SMYD3: variants seen among roughly 807,000 people sequenced by gnomAD.
The protein encoded by SMYD3 is histone-lysine N-methyltransferase SMYD3.
Under a neutral mutation model 57.7 loss-of-function variants are expected in SMYD3, and 36 were observed. The observed-to-expected ratio is 0.62, with a 90% CI of 0.48 to 0.82. The LOEUF is 0.82. Ranked by LOEUF, SMYD3 falls within the 40% of genes least tolerant of loss-of-function variation. The pLI is 0.00. For missense variants in SMYD3, 515 were observed against 538.8 expected, an observed-to-expected ratio of 0.96 and a Z score of 0.44; for synonymous variants, 211 against 195.0, an observed-to-expected ratio of 1.08 and a Z score of -0.68.
intron 5 of SMYD3, among the ~76,000 whole-genome samples, chr1:246,119,546 G>A (rs1427912903): frequency 6.6e-6 from 1 of 151,734 alleles, no homozygotes. Flanking sequence ...CTGAGTAGCT[G>A]AGACTACAGG....
intron 8 of SMYD3, among the ~76,000 whole-genome samples, chr1:245,906,201 G>A (rs1374503398): frequency 6.6e-6 from 1 of 152,160 alleles, no homozygotes; most frequent in East Asian, 1.9e-4. Context: ...GCAAAGCGAA[G>A]AGACAACCCA....
At chr1:246,408,152 G>C (rs953888836) in intron 1 of SMYD3, among the ~76,000 whole-genome samples, 1 of 151,932 alleles carries the variant, frequency 6.6e-6, no homozygotes, top group Non-Finnish European at 1.5e-5. Flanking sequence ...CACCTTAGGG[G>C]TTAAGATCAC....
At chr1:246,190,492 G>A (rs1340393613) in intron 5 of SMYD3, among the ~76,000 whole-genome samples, 1 of 149,516 alleles carries the variant, frequency 6.7e-6, no homozygotes, top group Non-Finnish European at 1.5e-5. Flanking sequence ...GGCTGAGGCA[G>A]GAGAATCGCT....
At chr1:245,804,140 T>C (rs1170744092) in intron 10 of SMYD3, among the ~76,000 whole-genome samples, 1 of 152,072 alleles carries the variant, frequency 6.6e-6, no homozygotes, top group Non-Finnish European at 1.5e-5. Flanking sequence ...CTTGAACTCC[T>C]GTCCTTGTGA....
intron 11 of SMYD3, 75 bp downstream of exon 11, chr1:245,763,965 CA>C: frequency 9.0e-7 from 1 of 1,112,848 alleles, no homozygotes; most frequent in South Asian, 1.3e-5. Context: ...GAGCTGCTAA[CA>C]AATCACAAAG....
At chr1:246,297,276 A>T (rs1370193272) in intron 5 of SMYD3, among the ~76,000 whole-genome samples, 5 of 152,194 alleles carry the variant, frequency 3.3e-5, no homozygotes, top group Non-Finnish European at 5.9e-5. Context: ...TCAAAGTCAT[A>T]AAAGAGGAGT....
intron 1 of SMYD3, among the ~76,000 whole-genome samples, chr1:246,481,627 CAT>C (rs1558484550): frequency 0.05 from 1,287 of 25,884 alleles, 103 homozygotes; most frequent in African/African-American, 0.16. Context: ...TATATACATA[CAT>C]ACATACACAT....
chr1:246,149,068 A>C (rs2061901683), intron 5 of SMYD3, among the ~76,000 whole-genome samples: 1 of 152,242 alleles, frequency 6.6e-6, no homozygotes, highest in Admixed American at 6.5e-5. Flanking sequence ...TCTCGAAAGA[A>C]AATTCTAGAA....
intron 1 of SMYD3, among the ~76,000 whole-genome samples, chr1:246,421,968 T>C (rs532181850): frequency 6.6e-6 from 1 of 152,204 alleles, no homozygotes; most frequent in Non-Finnish European, 1.5e-5. Context: ...CTTTACCAGT[T>C]TGCACATTCA....
At chr1:245,796,402 G>GT (rs1053587510) in intron 10 of SMYD3, among the ~76,000 whole-genome samples, 2 of 152,032 alleles carry the variant, frequency 1.3e-5, no homozygotes, top group Non-Finnish European at 2.9e-5. Context: ...ACAGCACAGA[G>GT]TAATGGTTTA....
intron 5 of SMYD3, among the ~76,000 whole-genome samples, chr1:246,260,666 C>T (rs1374647018): frequency 6.6e-6 from 1 of 152,064 alleles, no homozygotes; most frequent in African/African-American, 2.4e-5. Context: ...CTCTTGACCT[C>T]GTGATCCACC....
chr1:246,205,130 T>C (rs1425957842), intron 5 of SMYD3, among the ~76,000 whole-genome samples: 1 of 152,174 alleles, frequency 6.6e-6, no homozygotes, highest in Non-Finnish European at 1.5e-5. Context: ...TCTATGAAGA[T>C]GACAATAAAA....
intron 5 of SMYD3, among the ~76,000 whole-genome samples, chr1:246,290,199 C>T (rs2064661366): frequency 6.6e-6 from 1 of 152,166 alleles, no homozygotes; most frequent in East Asian, 1.9e-4. Context: ...GAAAAGGGAA[C>T]TAAACCATCT....
At position 246,404,857 on chromosome 1, in the gene SMYD3, T is replaced by C. The variant is rs558751787; in HGVS notation, c.165-49763A>G. On this transcript the variant is annotated intron_variant, in intron 1 of 11. Coordinates refer to ENST00000490107, the MANE Select transcript of SMYD3 (RefSeq NM_001167740.2). ...AGCAAGTATAAAACCTTTCTTTCATTACAGAAAGTGCTTTGGGCAGTCCTG... is the reference window on the plus strand; with the variant it reads ...AGCAAGTATAAAACCTTTCTTTCATCACAGAAAGTGCTTTGGGCAGTCCTG... Among the ~76,000 whole-genome samples, 7 of 152,304 alleles carry C rather than the reference T, an allele frequency of 4.6e-5. No homozygotes were observed. In the East Asian group the frequency reaches 1.3e-3, roughly 29 times the overall value.
intron 1 of SMYD3, among the ~76,000 whole-genome samples, chr1:246,493,219 G>A (rs545510888): frequency 1.3e-4 from 18 of 140,922 alleles, no homozygotes; most frequent in African/African-American, 4.3e-4. Flanking sequence ...TGGGGGGGAG[G>A]AGAGGGGGGC....
intron 1 of SMYD3, among the ~76,000 whole-genome samples, chr1:246,387,700 A>G (rs1427459462): frequency 2.0e-5 from 3 of 152,238 alleles, no homozygotes; most frequent in African/African-American, 7.2e-5. Context: ...AAGAGTTCTG[A>G]AGGACTTCTA....
At chr1:245,848,776 G>A (rs1048298567) in intron 10 of SMYD3, among the ~76,000 whole-genome samples, 8 of 152,134 alleles carry the variant, frequency 5.3e-5, no homozygotes, top group African/African-American at 1.7e-4. Flanking sequence ...AGGTAGACGG[G>A]GAATAAGTGG....
chr1:246,362,358 A>G (rs950154874), intron 1 of SMYD3, among the ~76,000 whole-genome samples: 6 of 148,202 alleles, frequency 4.0e-5, no homozygotes, highest in Admixed American at 1.3e-4. Context: ...TCTCCCCCAA[A>G]TCACCTGGGT....
At chr1:245,917,070 C>T (rs2055485267) in intron 7 of SMYD3, among the ~76,000 whole-genome samples, 1 of 151,382 alleles carries the variant, frequency 6.6e-6, no homozygotes, top group Non-Finnish European at 1.5e-5. Context: ...CACTGTGCCA[C>T]CAAGGCTGGT....
Sources: gnomAD v4.1 joint callset for allele counts (sites outside exome capture counted in the v4.1 genomes callset) on GRCh38, gnomAD v4.1.1 for gene constraint, MANE v1.5 for transcripts, NCBI Gene and HGNC (gene_info 2026-07-23, HGNC 2026-07-21) for gene names.